WDR7: variants seen among roughly 807,000 people sequenced by gnomAD.
The protein encoded by WDR7 is WD repeat domain 7.
A neutral mutation model predicts 169.4 loss-of-function variants in WDR7; 46 were observed. The observed-to-expected ratio is 0.27, with a 90% CI of 0.21 to 0.35. The LOEUF (loss-of-function observed/expected upper bound fraction) is 0.35. Among genes scored for constraint, WDR7 ranks in the 10% least tolerant of loss-of-function variants. The pLI, the probability that WDR7 is intolerant of heterozygous loss-of-function variation, is 1.00. For missense variants in WDR7, 1,534 were observed against 1,859.3 expected, an observed-to-expected ratio of 0.83 and a Z score of 3.22; for synonymous variants, 612 against 666.8, an observed-to-expected ratio of 0.92 and a Z score of 1.27.
intron 13 of WDR7, among the ~76,000 whole-genome samples, chr18:56,724,062 C>T (rs1394188402): frequency 2.0e-5 from 3 of 151,414 alleles, no homozygotes; most frequent in Non-Finnish European, 2.9e-5. Flanking sequence ...CTATGCAAAA[C>T]CTTTTGAACA....
intron 19 of WDR7, among the ~76,000 whole-genome samples, chr18:56,786,981 G>A (rs1386113048): frequency 6.6e-6 from 1 of 151,826 alleles, no homozygotes; most frequent in Non-Finnish European, 1.5e-5. Flanking sequence ...AGGGATTAAT[G>A]TTATTTTCTG....
At chr18:56,880,190 G>T in intron 21 of WDR7, 25 bp downstream of exon 21, 1 of 1,599,258 alleles carries the variant, frequency 6.3e-7, no homozygotes, top group South Asian at 1.1e-5. Context: ...TTCTAATGCT[G>T]ATCTGTTGCT....
chr18:56,923,629 C>T (rs1370494051), intron 21 of WDR7, among the ~76,000 whole-genome samples: 2 of 152,178 alleles, frequency 1.3e-5, no homozygotes, highest in African/African-American at 4.8e-5. Flanking sequence ...TAGGGAGAAA[C>T]ATTGTTTGGA....
chr18:56,659,302 C>T (rs1023394155), intron 1 of WDR7, among the ~76,000 whole-genome samples: 2 of 152,110 alleles, frequency 1.3e-5, no homozygotes, highest in African/African-American at 2.4e-5. Flanking sequence ...CATATAAAAT[C>T]GGGATATACT....
intron 14 of WDR7, among the ~76,000 whole-genome samples, chr18:56,746,445 G>T (rs1486117134): frequency 6.6e-6 from 1 of 152,124 alleles, no homozygotes; most frequent in Non-Finnish European, 1.5e-5. Flanking sequence ...CAGGATTTTA[G>T]GTTGTTACAG....
chr18:56,803,282 T>A (rs562103676), intron 19 of WDR7, among the ~76,000 whole-genome samples: 1 of 152,210 alleles, frequency 6.6e-6, no homozygotes, highest in African/African-American at 2.4e-5. Context: ...CAATTAAATG[T>A]GTCATCTGCT....
At chr18:56,812,774 C>T (rs916316252) in intron 19 of WDR7, among the ~76,000 whole-genome samples, 1 of 152,048 alleles carries the variant, frequency 6.6e-6, no homozygotes, top group African/African-American at 2.4e-5. Flanking sequence ...TTTTTCTCTG[C>T]TCTTTTGTTC....
At chr18:56,791,464 C>T (rs893814790) in intron 19 of WDR7, among the ~76,000 whole-genome samples, 2 of 152,130 alleles carry the variant, frequency 1.3e-5, no homozygotes, top group Non-Finnish European at 2.9e-5. Context: ...TTACCCCCTT[C>T]TAGCAGGTGG....
At chr18:57,018,848 A>G (rs570437847) in intron 26 of WDR7, among the ~76,000 whole-genome samples, 1 of 152,298 alleles carries the variant, frequency 6.6e-6, no homozygotes, top group East Asian at 1.9e-4. Flanking sequence ...TGCTTTCCCA[A>G]TGAGCTGATT....
chr18:56,711,078 G>C (rs79255980), intron 12 of WDR7, among the ~76,000 whole-genome samples: 138 of 149,746 alleles, frequency 9.2e-4, no homozygotes, highest in Middle Eastern at 3.5e-3. Context: ...TCCTCTCCAA[G>C]GGTTATTAGT....
At chr18:56,882,179 T>C (rs1458784457) in intron 21 of WDR7, among the ~76,000 whole-genome samples, 1 of 152,234 alleles carries the variant, frequency 6.6e-6, no homozygotes, top group Non-Finnish European at 1.5e-5. Flanking sequence ...TGCTTAAATC[T>C]CACCATTTCT....
At chr18:56,658,733 G>A (rs921791712) in intron 1 of WDR7, among the ~76,000 whole-genome samples, 13 of 152,036 alleles carry the variant, frequency 8.6e-5, no homozygotes, top group Admixed American at 5.2e-4. Flanking sequence ...TTTTTTTAAC[G>A]ACAGAGTCTC....
intron 22 of WDR7, among the ~76,000 whole-genome samples, chr18:56,930,758 A>G (rs1041768848): frequency 6.6e-6 from 1 of 152,096 alleles, no homozygotes; most frequent in Non-Finnish European, 1.5e-5. Context: ...GATGTGGCCT[A>G]TTTTCATTAC....
intron 16 of WDR7, among the ~76,000 whole-genome samples, chr18:56,766,586 C>G (rs1038056712): frequency 6.6e-6 from 1 of 152,104 alleles, no homozygotes; most frequent in South Asian, 2.1e-4. Context: ...GACAGTGTCT[C>G]GCTATGTTGC....
At chr18:56,666,878 T>C (rs114569729) in intron 1 of WDR7, among the ~76,000 whole-genome samples, 4,262 of 139,860 alleles carry the variant, frequency 0.03, 182 homozygotes, top group African/African-American at 0.1. Flanking sequence ...CCATTCTGGA[T>C]TGGGAAACCA....
At chr18:56,839,448 A>G (rs2045447123) in intron 20 of WDR7, among the ~76,000 whole-genome samples, 1 of 152,160 alleles carries the variant, frequency 6.6e-6, no homozygotes, top group Admixed American at 6.5e-5. Flanking sequence ...ATAAGACTCA[A>G]CTTATATGAT....
intron 16 of WDR7, among the ~76,000 whole-genome samples, chr18:56,775,840 A>G (rs2044233781): frequency 6.6e-6 from 1 of 152,194 alleles, no homozygotes; most frequent in African/African-American, 2.4e-5. Flanking sequence ...CAAACATATC[A>G]TTCAGCAGAC....
At chr18:56,948,896 A>G (rs1055830452) in intron 25 of WDR7, among the ~76,000 whole-genome samples, 3 of 152,150 alleles carry the variant, frequency 2.0e-5, no homozygotes, top group African/African-American at 7.2e-5. Context: ...TTCCAAGCCC[A>G]GGCCTCTTCC....
intron 19 of WDR7, among the ~76,000 whole-genome samples, chr18:56,806,405 A>G (rs2044774021): frequency 6.6e-6 from 1 of 152,204 alleles, no homozygotes; most frequent in Admixed American, 6.5e-5. Context: ...TCAGACTTTT[A>G]GAAAAGCGGT....
Sources: allele counts gnomAD v4.1 joint callset (sites outside exome capture counted in the v4.1 genomes callset), GRCh38; gene constraint gnomAD v4.1.1; transcripts MANE v1.5; gene names NCBI Gene and HGNC (gene_info 2026-07-23, HGNC 2026-07-21).